The following PCDHA2 variants were observed in gnomAD, a reference collection of about 807,000 sequenced individuals.
PCDHA2 encodes the protein protocadherin alpha 2.
Under a neutral mutation model 66.0 loss-of-function variants are expected in PCDHA2, and 58 were observed. The observed-to-expected ratio is 0.88, with a 90% CI of 0.71 to 1.09. PCDHA2 has a LOEUF of 1.09. Ranked by LOEUF, PCDHA2 falls within the 50% of genes least tolerant of loss-of-function variation. The pLI is 0.00. For missense variants in PCDHA2, 1,267 were observed against 1,242.3 expected (o/e 1.02, Z -0.30); for synonymous variants, 634 against 554.0 (o/e 1.14, Z -2.03).
intron 1 of PCDHA2, chr5:140,862,883 G>T: frequency 1.8e-6 from 1 of 566,460 alleles, no homozygotes. Flanking sequence ...ATTAGTGCTG[G>T]AACGACAACT....
intron 1 of PCDHA2, chr5:140,870,180 A>G: frequency 1.2e-6 from 2 of 1,614,112 alleles, no homozygotes; most frequent in Non-Finnish European, 8.5e-7. Context: ...TCCCAGTACG[A>G]GAGGACGCTC....
chr5:141,010,525 C>A lies in PCDHA2; in HGVS notation c.*588C>A. On this transcript the variant is annotated 3_prime_UTR_variant, in exon 4 of 4. Coordinates refer to ENST00000526136, the MANE Select transcript of PCDHA2 (RefSeq NM_018905.3). ...CTAAATCTTACAACTCAAGAGGTGG[C>A]AGCCACCCTCTAGGAGACAAAACTA... 1 of 436,454 alleles carries A rather than the reference C, an allele frequency of 2.3e-6. No homozygotes were observed. The highest frequency in any genetic ancestry group is 3.9e-6 in the Non-Finnish European group (1 of 256,874). 27.0% of individuals were successfully genotyped at this position (436,454 alleles called of 1,614,324 possible).
intron 1 of PCDHA2, chr5:140,803,799 T>C (rs1763283196): frequency 2.5e-6 from 2 of 793,254 alleles, no homozygotes; most frequent in Non-Finnish European, 3.9e-6. Flanking sequence ...TATCCACACT[T>C]GTAATTTTGT....
chr5:140,818,202 T>C (rs2150100495), intron 1 of PCDHA2, among the ~76,000 whole-genome samples: 4 of 152,230 alleles, frequency 2.6e-5, no homozygotes, highest in Non-Finnish European at 2.9e-5. Context: ...AGTACATGTA[T>C]GTTAAATCTT....
At chr5:140,925,545 T>C (rs2082554124) in intron 1 of PCDHA2, among the ~76,000 whole-genome samples, 1 of 151,896 alleles carries the variant, frequency 6.6e-6, no homozygotes, top group Non-Finnish European at 1.5e-5. Flanking sequence ...ATACCTAATG[T>C]AAATGACAAG....
In PCDHA2 at chr5:140,850,187, G is replaced by A. The variant is rs2150472147; in HGVS notation, c.2388+52835G>A. ...TGGACGAGAACGACAATGCGCCGGC[G>A]CTGCTGACACCTCGGATGAGGGGCA... On this transcript the variant is annotated intron_variant, in intron 1 of 3. Coordinates refer to ENST00000526136, the MANE Select transcript of PCDHA2 (RefSeq NM_018905.3). 27 of 1,593,150 alleles carry A rather than the reference G, an allele frequency of 1.7e-5. 2 individuals are homozygous for A. In the Admixed American group the frequency reaches 3.4e-4, roughly 20 times the overall value.
At chr5:140,928,208 A>AT (rs1436614514) in intron 1 of PCDHA2, 2 of 1,614,110 alleles carry the variant, frequency 1.2e-6, no homozygotes, top group Non-Finnish European at 1.7e-6. Flanking sequence ...GCTGATGTGA[A>AT]TGACAATACA....
intron 1 of PCDHA2, chr5:140,835,747 T>C: frequency 6.2e-7 from 1 of 1,613,592 alleles, no homozygotes; most frequent in Non-Finnish European, 8.5e-7. Flanking sequence ...GCCCCGGCGT[T>C]CGCGCAGCCC....
intron 1 of PCDHA2, chr5:140,802,778 G>C: frequency 6.2e-7 from 1 of 1,613,190 alleles, no homozygotes; most frequent in Non-Finnish European, 8.5e-7. Flanking sequence ...ACCACGAGGA[G>C]CTAGAGCTGC....
At chr5:140,941,220 TTTC>T (rs2092903024) in intron 1 of PCDHA2, among the ~76,000 whole-genome samples, 1 of 131,326 alleles carries the variant, frequency 7.6e-6, no homozygotes, top group Non-Finnish European at 1.6e-5. Flanking sequence ...TCTTCCTTTC[TTTC>T]TTTCTTTCTT....
chr5:140,869,330 A>G (rs1554162906), intron 1 of PCDHA2: 25 of 1,613,778 alleles, frequency 1.5e-5, no homozygotes, highest in Non-Finnish European at 2.0e-5. Context: ...GACCTTCTGG[A>G]GGTAAATCTG....
At chr5:140,828,345 T>C in intron 1 of PCDHA2, 2 of 1,614,224 alleles carry the variant, frequency 1.2e-6, no homozygotes, top group Non-Finnish European at 1.7e-6. Context: ...GGCATTTTGT[T>C]TGTGAATTCT....
At chr5:140,841,648 C>T in intron 1 of PCDHA2, 1 of 1,614,112 alleles carries the variant, frequency 6.2e-7, no homozygotes, top group East Asian at 2.2e-5. Flanking sequence ...TGGAGGTGAT[C>T]GTGGACAGGC....
chr5:140,797,987 G>T (rs1388589775), intron 1 of PCDHA2, among the ~76,000 whole-genome samples: 1 of 151,840 alleles, frequency 6.6e-6, no homozygotes, highest in Non-Finnish European at 1.5e-5. Flanking sequence ...TTAGTAACTG[G>T]GATTACAGGC....
At chr5:140,851,144 T>C in intron 1 of PCDHA2, 1 of 1,310,570 alleles carries the variant, frequency 7.6e-7, no homozygotes, top group Non-Finnish European at 9.9e-7. Context: ...TAAAGTGACA[T>C]TGAATTTCTG....
chr5:140,828,895 T>C (rs1770010925), intron 1 of PCDHA2: 1 of 1,614,106 alleles, frequency 6.2e-7, no homozygotes, highest in African/African-American at 1.3e-5. Flanking sequence ...ATGCTTCTGA[T>C]CGGGATGAAG....
Position 140,978,928 on chromosome 5 carries a change from ACT to A in PCDHA2, c.2389-16_2389-15del. ...CATTGTCTTGTCATTTTAACAGAAA[ACT>A]CTCTTTGTGATTTTGCAGCCACGAC... On this transcript the variant is annotated intron_variant, in intron 1 of 3. Coordinates refer to ENST00000526136, the MANE Select transcript of PCDHA2 (RefSeq NM_018905.3). The A allele has an allele frequency of 6.2e-7, 1 of 1,613,190 alleles. No homozygotes were observed. Among genetic ancestry groups the A allele is most frequent in the Admixed American group, 1.7e-5 (1 of 59,890 alleles).
chr5:141,008,400 T>A (rs1347375750), intron 3 of PCDHA2, among the ~76,000 whole-genome samples: 3 of 152,082 alleles, frequency 2.0e-5, no homozygotes, highest in African/African-American at 7.2e-5. Context: ...GATGTCAGAG[T>A]TCCAATGTCA....
At chr5:140,824,331 T>C (rs1223320069) in intron 1 of PCDHA2, 1 of 643,184 alleles carries the variant, frequency 1.6e-6, no homozygotes, top group African/African-American at 1.8e-5. Flanking sequence ...TCTGTGATAT[T>C]AAGTGTTTTT....
Sources: allele counts gnomAD v4.1 joint callset (sites outside exome capture counted in the v4.1 genomes callset), GRCh38; gene constraint gnomAD v4.1.1; transcripts MANE v1.5; gene names NCBI Gene and HGNC (gene_info 2026-07-23, HGNC 2026-07-21).